Variants in TSPAN15 observed in about 807,000 individuals in gnomAD.
TSPAN15 encodes tetraspanin-15.
In TSPAN15, 20 loss-of-function variants were observed where a neutral mutation model predicts 34.5. The observed-to-expected ratio is 0.58, with a 90% CI of 0.41 to 0.84. The LOEUF (loss-of-function observed/expected upper bound fraction) is 0.84, where lower values mean the gene tolerates loss of function less well. Ranked by LOEUF, TSPAN15 falls within the 40% of genes least tolerant of loss-of-function variation. TSPAN15 has a pLI of 0.00. For synonymous variants in TSPAN15, 155 were observed against 153.9 expected (o/e 1.01, Z -0.05); for missense variants, 313 against 386.1 (o/e 0.81, Z 1.59).
chr10:69,475,854 A>G (rs12265393), intron 1 of TSPAN15, among the ~76,000 whole-genome samples: 9,741 of 152,226 alleles, frequency 0.064, 1,069 homozygotes, highest in African/African-American at 0.22. Flanking sequence ...ACCATGGAAA[A>G]CTTGAGGGAG....
intron 1 of TSPAN15, among the ~76,000 whole-genome samples, chr10:69,459,117 A>C (rs1459288159): frequency 1.2e-4 from 13 of 106,954 alleles, no homozygotes; most frequent in African/African-American, 2.1e-4. Context: ...AAAAAAAAAA[A>C]AAAAAAAACA....
At chr10:69,462,173 T>G (rs1031611554) in intron 1 of TSPAN15, among the ~76,000 whole-genome samples, 1 of 145,236 alleles carries the variant, frequency 6.9e-6, no homozygotes, top group African/African-American at 2.5e-5. Context: ...TTTTTTTTTT[T>G]TTTTTTTTGT....
At chr10:69,542,692 C>T in the TSPAN15 span, among the ~76,000 whole-genome samples, 98 of 152,310 alleles carry the variant, frequency 6.4e-4, no homozygotes, top group Admixed American at 1.6e-3. Context: ...CCTCATAAAA[C>T]CATCAGATCT....
chr10:69,487,518 G>T (rs1841879417), intron 3 of TSPAN15, among the ~76,000 whole-genome samples: 1 of 151,986 alleles, frequency 6.6e-6, no homozygotes, highest in Admixed American at 6.5e-5. Context: ...AGCCAGCAGA[G>T]CTCCCGGCCG....
Position 69,506,337 on chromosome 10 carries a change from A to G in TSPAN15, c.735+97A>G. On this transcript the variant is annotated intron_variant, in intron 7 of 7. Transcript: ENST00000373290. This position sits in a 1 kb window ranked among gnomAD's most constrained non-coding sequence, Gnocchi z 4.7. ...AGAGCGAAGAGGCTTTTTTCATAGA[A>G]GTCCAGGACTTGCCTGGGGAGGGCT... 3.3e-6 allele frequency: 4 copies of G among 1,196,984 alleles called. No homozygotes were observed. The highest frequency in any genetic ancestry group is 4.9e-6 in the Non-Finnish European group (4 of 823,872). 74.1% of individuals were successfully genotyped at this position (1,196,984 alleles called of 1,614,324 possible).
intron 1 of TSPAN15, among the ~76,000 whole-genome samples, chr10:69,452,830 T>TCCCA (rs1189981781): frequency 6.6e-6 from 1 of 152,124 alleles, no homozygotes; most frequent in Non-Finnish European, 1.5e-5. Context: ...GACACCCCAT[T>TCCCA]CCCACCAAAT....
Position 69,506,044 on chromosome 10 carries a change from T to C in TSPAN15, c.619-80T>C. Reference sequence around the variant, plus strand: ...GCGGTTGAGGGACTAGCCTGGACCTTGTGTACATGGCAGAGTCGGGGCTGT... The same window carrying C: ...GCGGTTGAGGGACTAGCCTGGACCTCGTGTACATGGCAGAGTCGGGGCTGT... On this transcript the variant is annotated intron_variant, in intron 6 of 7. Transcript: ENST00000373290. The surrounding 1 kb of genome is among the most constrained non-coding windows in gnomAD (Gnocchi z 4.7). The C allele has an allele frequency of 8.3e-7, 1 of 1,198,576 alleles. No homozygotes were observed. Among genetic ancestry groups the C allele is most frequent in the East Asian group, 2.3e-5 (1 of 42,724 alleles). 74.2% of individuals were successfully genotyped at this position (1,198,576 alleles called of 1,614,324 possible).
At chr10:69,452,627 A>G (rs1840998832) in intron 1 of TSPAN15, among the ~76,000 whole-genome samples, 1 of 152,244 alleles carries the variant, frequency 6.6e-6, no homozygotes, top group South Asian at 2.1e-4. Context: ...GTGGGCAGGG[A>G]ATTTGGACAC....
chr10:69,536,546 A>G, the TSPAN15 span, among the ~76,000 whole-genome samples: 1 of 152,138 alleles, frequency 6.6e-6, no homozygotes, highest in Admixed American at 6.5e-5. Flanking sequence ...TTTTCTCCCA[A>G]TTTTGGAGAC....
chr10:69,499,166 T>C lies in TSPAN15; in HGVS notation c.570+770T>C, dbSNP rs573199643. Among the ~76,000 whole-genome samples, 3 of 152,362 alleles carry C rather than the reference T, an allele frequency of 2.0e-5. No individual in the cohort carries two copies. The South Asian group carries it at 6.2e-4, about 32-fold the overall frequency. On this transcript the variant is annotated intron_variant, in intron 5 of 7. Transcript: ENST00000373290. ...TTGACAAATGTGTCCAGAAACTGTT[T>C]CAGGATTGGAACGAGGTGGAGAGCT...
At chr10:69,509,454 G>GT (rs1322831977), downstream of TSPAN15, among the ~76,000 whole-genome samples, 5 of 148,504 alleles carry the variant, frequency 3.4e-5, no homozygotes, top group Admixed American at 2.0e-4. Flanking sequence ...TTGTAAATTT[G>GT]TTTAAGTTCC....
the TSPAN15 span, among the ~76,000 whole-genome samples, chr10:69,521,284 C>T: frequency 0.054 from 7,402 of 137,802 alleles, 536 homozygotes; most frequent in East Asian, 0.29. Flanking sequence ...CTGAGGCAGG[C>T]AGATCATGTG....
intron 1 of TSPAN15, among the ~76,000 whole-genome samples, chr10:69,454,320 C>T (rs1051902604): frequency 1.3e-5 from 2 of 152,018 alleles, no homozygotes; most frequent in Admixed American, 1.3e-4. Context: ...GAGTTTGAGA[C>T]CAGCCTGGCT....
At chr10:69,484,506 G>A (rs1346356652) in intron 2 of TSPAN15, among the ~76,000 whole-genome samples, 2 of 152,244 alleles carry the variant, frequency 1.3e-5, no homozygotes, top group Non-Finnish European at 2.9e-5. Context: ...GGGGTAGTGA[G>A]TAGGCAGATC....
At chr10:69,527,852 G>A in the TSPAN15 span, among the ~76,000 whole-genome samples, 1 of 147,684 alleles carries the variant, frequency 6.8e-6, no homozygotes, top group African/African-American at 2.5e-5. Flanking sequence ...GAAAATTAGG[G>A]GGGTGACAGC....
chr10:69,522,619 G>T, the TSPAN15 span, among the ~76,000 whole-genome samples: 4 of 146,950 alleles, frequency 2.7e-5, no homozygotes, highest in Non-Finnish European at 6.0e-5. Context: ...CCTGAGCTCT[G>T]CCTCCTGTCA....
rs752737190 is a variant in TSPAN15, at chr10:69,495,648, G to T, written c.412G>T (p.Asp138Tyr). 1.4e-5 allele frequency: 23 copies of T among 1,614,038 alleles called. No homozygotes were observed. The highest frequency in any genetic ancestry group is 1.2e-5 in the Non-Finnish European group (14 of 1,180,002). The change falls in exon 4 of 8, where the codon GAT becomes TAT. Residue 138 changes from aspartate (D) to tyrosine (Y), a missense_variant. Physicochemically the swap from Asp to Tyr is radical, Grantham distance 160. Coordinates refer to ENST00000373290, the MANE Select transcript of TSPAN15 (RefSeq NM_012339.5). ...IRRGIENYYD[D>Y]LDFKNIMDFV... ...AAGAGGAATTGAGAACTACTATGAT[G>T]ATCTGGACTTCAAAAACATCATGGA...
At chr10:69,492,999 TAGCTC>T (rs1280630956) in intron 3 of TSPAN15, among the ~76,000 whole-genome samples, 1 of 152,144 alleles carries the variant, frequency 6.6e-6, no homozygotes, top group African/African-American at 2.4e-5. Flanking sequence ...CATGAGTACG[TAGCTC>T]AGCCAATCAT....
chr10:69,529,697 G>A, the TSPAN15 span, among the ~76,000 whole-genome samples: 4 of 147,188 alleles, frequency 2.7e-5, no homozygotes, highest in Non-Finnish European at 6.0e-5. Flanking sequence ...TTTTTTATTA[G>A]TTTACTTTAT....
Sources: allele counts gnomAD v4.1 joint callset (sites outside exome capture counted in the v4.1 genomes callset), GRCh38; gene constraint gnomAD v4.1.1; non-coding constraint Gnocchi (gnomAD v3.1); transcripts MANE v1.5; gene names NCBI Gene and HGNC (gene_info 2026-07-23, HGNC 2026-07-21).